GRIK3: variants seen among roughly 807,000 people sequenced by gnomAD.
GRIK3 encodes glutamate ionotropic receptor kainate type subunit 3, also known as glutamate receptor ionotropic, kainate 3.
In GRIK3, 29 loss-of-function variants were observed where a neutral mutation model predicts 102.5. The observed-to-expected ratio is 0.28, with a 90% CI of 0.21 to 0.39. The LOEUF is 0.39. Among genes scored for constraint, GRIK3 ranks in the 10% least tolerant of loss-of-function variants. GRIK3 has a pLI of 1.00. For synonymous variants in GRIK3, 511 were observed against 504.9 expected (o/e 1.01, Z -0.16); for missense variants, 908 against 1,252.4 (o/e 0.73, Z 4.15).
chr1:37,001,571 T>C (rs780312838), intron 1 of GRIK3, among the ~76,000 whole-genome samples: 2 of 152,032 alleles, frequency 1.3e-5, no homozygotes, highest in Non-Finnish European at 2.9e-5. Flanking sequence ...GGCCTGGCCA[T>C]TTGCTCATTT....
chr1:36,939,747 A>G (rs774079127), intron 1 of GRIK3, among the ~76,000 whole-genome samples: 2 of 152,220 alleles, frequency 1.3e-5, no homozygotes, highest in African/African-American at 2.4e-5. Context: ...TGTAACCAAG[A>G]TAGTGTGCCC....
In GRIK3 at chr1:36,801,940, C is replaced by CT; in HGVS notation, c.2670_2671insA (p.Val891SerfsTer9). 6.2e-7 allele frequency: 1 copy of CT among 1,613,984 alleles called. No individual in the cohort carries two copies. The highest frequency in any genetic ancestry group is 8.5e-7 in the Non-Finnish European group (1 of 1,179,960). ...TCATTGAATGTGTGCATGTTGATGACGGCGTCAGTCTTGACCATCATGGGA... is the reference window on the plus strand; with the variant it reads ...TCATTGAATGTGTGCATGTTGATGACTGGCGTCAGTCTTGACCATCATGGGA... On this transcript the variant is annotated frameshift_variant, in exon 16 of 16. Coordinates refer to ENST00000373091, the MANE Select transcript of GRIK3 (RefSeq NM_000831.4). LOFTEE classifies it high-confidence loss of function.
chr1:36,952,448 A>G (rs1353589990), intron 1 of GRIK3, among the ~76,000 whole-genome samples: 1 of 152,166 alleles, frequency 6.6e-6, no homozygotes, highest in Non-Finnish European at 1.5e-5. Context: ...CTGGATGTGA[A>G]CCTCCAGACC....
chr1:36,852,632 A>C (rs530461825), intron 8 of GRIK3, among the ~76,000 whole-genome samples: 1 of 152,338 alleles, frequency 6.6e-6, no homozygotes, highest in East Asian at 1.9e-4. Context: ...GCATGTTAAA[A>C]TAATCCACAT....
chr1:36,995,745 C>T (rs949772184), intron 1 of GRIK3, among the ~76,000 whole-genome samples: 12 of 152,278 alleles, frequency 7.9e-5, no homozygotes, highest in African/African-American at 2.9e-4. Context: ...GCAGTTTTCC[C>T]AGTTCTCTGA....
intron 1 of GRIK3, among the ~76,000 whole-genome samples, chr1:37,033,307 C>T (rs762238005): frequency 6.6e-6 from 1 of 152,214 alleles, no homozygotes; most frequent in Non-Finnish European, 1.5e-5. Context: ...GCCGCCTGCC[C>T]GGGCCGCACT....
At chr1:36,813,898 T>C (rs1247263727) in intron 13 of GRIK3, among the ~76,000 whole-genome samples, 1 of 152,124 alleles carries the variant, frequency 6.6e-6, no homozygotes, top group African/African-American at 2.4e-5. Context: ...TCACTTGAAT[T>C]AAGGCAGGAG....
intron 1 of GRIK3, among the ~76,000 whole-genome samples, chr1:36,931,174 C>T (rs775372852): frequency 3.3e-5 from 5 of 152,196 alleles, no homozygotes; most frequent in Non-Finnish European, 5.9e-5. Flanking sequence ...GTAAATTTGT[C>T]AAACTACTAT....
In GRIK3 at chr1:36,867,022, C is replaced by T. The variant is rs116102744; in HGVS notation, c.786+2726G>A. On this transcript the variant is annotated intron_variant, in intron 5 of 15. Transcript: ENST00000373091. Reference sequence around the variant, plus strand: ...CTTGTGAGCTTTGTGTTGAATCCATCTATGTACACCCCTCCCACCCAAGTG... The same window carrying T: ...CTTGTGAGCTTTGTGTTGAATCCATTTATGTACACCCCTCCCACCCAAGTG... Among the ~76,000 whole-genome samples the T allele has an allele frequency of 5.8e-4, 89 of 152,354 alleles. 2 individuals are homozygous for T. The highest frequency in any genetic ancestry group is 2.1e-3 in the African/African-American group (87 of 41,590).
intron 1 of GRIK3, among the ~76,000 whole-genome samples, chr1:36,977,874 GC>G (rs1447666842): frequency 2.6e-5 from 4 of 152,244 alleles, no homozygotes; most frequent in Non-Finnish European, 5.9e-5. Flanking sequence ...ACTGCCAGAG[GC>G]CCCAGAACTC....
intron 1 of GRIK3, among the ~76,000 whole-genome samples, chr1:37,009,505 G>C (rs1286921222): frequency 6.6e-6 from 1 of 152,196 alleles, no homozygotes; most frequent in Non-Finnish European, 1.5e-5. Context: ...AATCGCCTTA[G>C]AGGAAAAATA....
chr1:36,982,620 G>A (rs1297113342), intron 1 of GRIK3, among the ~76,000 whole-genome samples: 1 of 152,234 alleles, frequency 6.6e-6, no homozygotes, highest in Non-Finnish European at 1.5e-5. Context: ...CTGCAGGGAA[G>A]GGGAAAGTCC....
chr1:36,846,255 T>C (rs779333732), intron 9 of GRIK3, among the ~76,000 whole-genome samples: 5 of 151,908 alleles, frequency 3.3e-5, no homozygotes, highest in South Asian at 2.1e-4. Flanking sequence ...ATCTCAGGAA[T>C]GGGGAAGGCT....
intron 13 of GRIK3, among the ~76,000 whole-genome samples, chr1:36,813,166 C>A (rs1011920752): frequency 6.6e-6 from 1 of 152,210 alleles, no homozygotes; most frequent in Non-Finnish European, 1.5e-5. Flanking sequence ...CTCTGCATTT[C>A]ACTAGCTGTG....
chr1:37,002,670 C>CTTT (rs57712253), intron 1 of GRIK3, among the ~76,000 whole-genome samples: 6 of 135,244 alleles, frequency 4.4e-5, no homozygotes, highest in South Asian at 2.3e-4. Flanking sequence ...TTCTTTCTTT[C>CTTT]TTTTTTTTTT....
chr1:36,995,013 G>A (rs908002343), intron 1 of GRIK3, among the ~76,000 whole-genome samples: 2 of 152,090 alleles, frequency 1.3e-5, no homozygotes, highest in Non-Finnish European at 2.9e-5. Flanking sequence ...AGACGCTGCC[G>A]GTGACCTTTG....
rs765692130 is a variant in GRIK3, at chr1:36,841,762, C to T, written c.1504G>A (p.Gly502Ser). ...GAQDDKGQWNGMVKELIDHKA... is the reference protein window; with the variant it reads ...GAQDDKGQWNSMVKELIDHKA... ...TGGTCGATGAGCTCCTTGACCATGC[C>T]GTTCCACTGGCCCTTGTCATCCTGT... Residue 502 changes from glycine to serine, a missense_variant, in exon 10 of 16, where the codon GGC becomes AGC. Around this residue, in one of 3 missense-constraint regions of GRIK3, gnomAD observed 585 missense variants for 824.9 expected, o/e 0.71. Transcript: ENST00000373091. 2 of 1,614,172 alleles carry T rather than the reference C, an allele frequency of 1.2e-6. No individual in the cohort carries two copies. Among genetic ancestry groups the T allele is most frequent in the Non-Finnish European group, 8.5e-7 (1 of 1,180,002 alleles).
intron 1 of GRIK3, among the ~76,000 whole-genome samples, chr1:36,978,776 A>G (rs1642219864): frequency 1.3e-5 from 2 of 152,208 alleles, no homozygotes; most frequent in African/African-American, 4.8e-5. Flanking sequence ...GAGTAAAAGC[A>G]TGCAAGGAGC....
intron 1 of GRIK3, among the ~76,000 whole-genome samples, chr1:36,969,450 A>C (rs1642118333): frequency 6.6e-6 from 1 of 152,228 alleles, no homozygotes; most frequent in South Asian, 2.1e-4. Flanking sequence ...CTCCCAACAC[A>C]CACATAATCA....
Sources: allele counts gnomAD v4.1 joint callset (sites outside exome capture counted in the v4.1 genomes callset), GRCh38; gene constraint gnomAD v4.1.1; regional missense constraint gnomAD v4.1.1; transcripts MANE v1.5; gene names NCBI Gene and HGNC (gene_info 2026-07-23, HGNC 2026-07-21).